The following WWOX variants were observed in gnomAD, a reference collection of about 807,000 sequenced individuals.
The protein encoded by WWOX is WW domain-containing oxidoreductase.
A neutral mutation model predicts 46.2 loss-of-function variants in WWOX; 69 were observed. That is an observed-to-expected ratio of 1.49 (90% CI 1.23 to 1.82). The LOEUF is 1.82. Ranked by LOEUF, WWOX falls within the 40% of genes most tolerant of loss-of-function variation. WWOX has a pLI of 0.00. For missense variants in WWOX, 919 were observed against 542.6 expected, an observed-to-expected ratio of 1.69 and a Z score of -6.89; for synonymous variants, 359 against 202.6, an observed-to-expected ratio of 1.77 and a Z score of -6.56.
rs143206478 is a variant in WWOX, at chr16:78,389,577, A to G, written c.605+2629A>G. Among the ~76,000 whole-genome samples, 326 of 152,280 alleles carry G rather than the reference A, an allele frequency of 2.1e-3. 2 individuals carry two copies. The highest frequency in any genetic ancestry group is 7.6e-3 in the African/African-American group (314 of 41,558). On this transcript the variant is annotated intron_variant, in intron 6 of 8. Coordinates refer to ENST00000566780, the MANE Select transcript of WWOX (RefSeq NM_016373.4). The stretch of plus-strand genomic sequence containing the variant: ...CATGTATGTTTTGATTCAATTCTCA[A>G]AGCAGTCCTTGGGAGTAGATGCTAT...
chr16:78,309,311 C>T (rs979672783), intron 5 of WWOX, among the ~76,000 whole-genome samples: 1 of 152,198 alleles, frequency 6.6e-6, no homozygotes, highest in Non-Finnish European at 1.5e-5. Context: ...GAACCTGGTG[C>T]TTTGCTTCCA....
intron 5 of WWOX, among the ~76,000 whole-genome samples, chr16:78,367,123 G>T (rs56896904): frequency 1.3e-5 from 2 of 151,788 alleles, no homozygotes; most frequent in Admixed American, 1.3e-4. Flanking sequence ...GGTACTACAG[G>T]TGCCTGCCAC....
In WWOX at chr16:78,115,146, C is replaced by T. The variant is rs746317044; in HGVS notation, c.401C>T (p.Ser134Leu). The stretch of plus-strand genomic sequence containing the variant: ...GTGGTTGTGGTCACTGGAGCTAATT[C>T]AGGAATAGGTAGGCTCTTCACTTAG... The part of the protein sequence containing the change: ...GKVVVVTGAN[S>L]GIGFETAKSF... Residue 134 changes from serine to leucine, a missense_variant, in exon 4 of 9, where the codon TCA becomes TTA. Coordinates refer to ENST00000566780, the MANE Select transcript of WWOX (RefSeq NM_016373.4). 2 of 1,614,190 alleles carry T rather than the reference C, an allele frequency of 1.2e-6. No individual in the cohort carries two copies. The highest frequency in any genetic ancestry group is 1.7e-6 in the Non-Finnish European group (2 of 1,180,036).
intron 8 of WWOX, among the ~76,000 whole-genome samples, chr16:78,914,680 C>A (rs910436269): frequency 6.6e-6 from 1 of 151,672 alleles, no homozygotes; most frequent in Non-Finnish European, 1.5e-5. Flanking sequence ...GAGATCCAGA[C>A]TATCCTGGCT....
intron 8 of WWOX, among the ~76,000 whole-genome samples, chr16:79,073,368 C>T (rs2048588486): frequency 1.3e-5 from 2 of 151,918 alleles, no homozygotes; most frequent in African/African-American, 2.4e-5. Context: ...TTAGTGGAGA[C>T]AGGGTTTCAC....
chr16:78,904,706 A>G (rs1332134323), intron 8 of WWOX, among the ~76,000 whole-genome samples: 1 of 152,262 alleles, frequency 6.6e-6, no homozygotes, highest in South Asian at 2.1e-4. Flanking sequence ...TGCTGGGACA[A>G]TAGGCGTATG....
At chr16:78,289,043 C>T (rs562237582) in intron 5 of WWOX, among the ~76,000 whole-genome samples, 4 of 152,274 alleles carry the variant, frequency 2.6e-5, no homozygotes, top group Admixed American at 2.0e-4. Context: ...GGCGTGCCAA[C>T]AGCTGGTAGA....
intron 8 of WWOX, among the ~76,000 whole-genome samples, chr16:79,171,926 GCTTC>G (rs751291852): frequency 6.6e-6 from 1 of 152,128 alleles, no homozygotes; most frequent in Non-Finnish European, 1.5e-5. Flanking sequence ...TTTTAAGATG[GCTTC>G]CTGCATTTCG....
At chr16:78,486,958 C>A (rs1432104922) in intron 8 of WWOX, among the ~76,000 whole-genome samples, 1 of 152,198 alleles carries the variant, frequency 6.6e-6, no homozygotes, top group Non-Finnish European at 1.5e-5. Flanking sequence ...ACAGGGCATC[C>A]CTGCACAATT....
At chr16:78,658,049 T>C (rs2142162793) in intron 8 of WWOX, among the ~76,000 whole-genome samples, 2 of 152,250 alleles carry the variant, frequency 1.3e-5, no homozygotes, top group South Asian at 4.1e-4. Context: ...AGATTCTTTG[T>C]TGGGGGGGAT....
intron 8 of WWOX, among the ~76,000 whole-genome samples, chr16:79,152,987 A>G (rs904602339): frequency 3.3e-5 from 5 of 152,120 alleles, no homozygotes; most frequent in African/African-American, 1.2e-4. Flanking sequence ...TGCTGGGGGA[A>G]ATACAAGGAA....
intron 8 of WWOX, among the ~76,000 whole-genome samples, chr16:78,453,826 A>G (rs963050453): frequency 3.5e-5 from 5 of 143,642 alleles, no homozygotes; most frequent in Admixed American, 2.0e-4. Context: ...CCTTTTTACC[A>G]AAACCATTTT....
At chr16:78,857,034 A>G (rs1018934099) in intron 8 of WWOX, among the ~76,000 whole-genome samples, 1 of 152,200 alleles carries the variant, frequency 6.6e-6, no homozygotes, top group Non-Finnish European at 1.5e-5. Flanking sequence ...AAACATAGAA[A>G]AGGTACAGTT....
intron 8 of WWOX, chr16:78,550,739 G>A (rs1291718757): frequency 6.6e-6 from 1 of 152,172 alleles, no homozygotes. Flanking sequence ...GGGAAGGCGG[G>A]AAAGAGCTAG....
chr16:79,201,061 A>T (rs552370012), intron 8 of WWOX, among the ~76,000 whole-genome samples: 1 of 152,174 alleles, frequency 6.6e-6, no homozygotes, highest in Non-Finnish European at 1.5e-5. Context: ...CATGAAGGTT[A>T]TATTATTATG....
At chr16:79,164,628 A>C (rs912409137) in intron 8 of WWOX, among the ~76,000 whole-genome samples, 3 of 152,168 alleles carry the variant, frequency 2.0e-5, no homozygotes, top group South Asian at 4.1e-4. Context: ...CCCTCACTCT[A>C]ACCTTGAAAG....
intron 8 of WWOX, among the ~76,000 whole-genome samples, chr16:78,692,845 T>A (rs892423406): frequency 6.6e-6 from 1 of 152,218 alleles, no homozygotes; most frequent in Non-Finnish European, 1.5e-5. Flanking sequence ...AAGAGACAAC[T>A]GTTTTTGGTG....
At chr16:78,724,767 C>A (rs755181084) in intron 8 of WWOX, among the ~76,000 whole-genome samples, 1 of 152,120 alleles carries the variant, frequency 6.6e-6, no homozygotes, top group Admixed American at 6.6e-5. Flanking sequence ...GAGACATTTT[C>A]TGGGGAGCAG....
At chr16:78,730,285 T>C (rs1300111594) in intron 8 of WWOX, among the ~76,000 whole-genome samples, 1 of 152,076 alleles carries the variant, frequency 6.6e-6, no homozygotes, top group African/African-American at 2.4e-5. Context: ...CCCATCCTTT[T>C]TTCCTCCTTC....
Sources: allele counts gnomAD v4.1 joint callset (sites outside exome capture counted in the v4.1 genomes callset), GRCh38; gene constraint gnomAD v4.1.1; transcripts MANE v1.5; gene names NCBI Gene and HGNC (gene_info 2026-07-23, HGNC 2026-07-21).